SEMA6A: variants seen among roughly 807,000 people sequenced by gnomAD.
The protein encoded by SEMA6A is semaphorin-6A.
Under a neutral mutation model 96.8 loss-of-function variants are expected in SEMA6A, and 25 were observed. The ratio of observed to expected loss-of-function variants is 0.26; its 90% CI spans 0.19 to 0.36. The LOEUF (loss-of-function observed/expected upper bound fraction) is 0.36, where lower values mean the gene tolerates loss of function less well. Among genes scored for constraint, SEMA6A ranks in the 10% least tolerant of loss-of-function variants. The probability of loss-of-function intolerance (pLI) is 1.00; values close to 1 mark genes in which losing one functional copy is unlikely to be tolerated. For synonymous variants in SEMA6A, 612 were observed against 518.0 expected (o/e 1.18, Z -2.46); for missense variants, 1,363 against 1,323.1 (o/e 1.03, Z -0.47).
intron 11 of SEMA6A, among the ~76,000 whole-genome samples, chr5:116,480,881 T>G (rs556124641): frequency 6.6e-6 from 1 of 152,354 alleles, no homozygotes; most frequent in South Asian, 2.1e-4. Context: ...AAAGGTCATT[T>G]CTTGTCATTG....
intron 1 of SEMA6A, among the ~76,000 whole-genome samples, chr5:116,512,726 A>G (rs1005147711): frequency 3.9e-5 from 6 of 152,104 alleles, no homozygotes; most frequent in African/African-American, 1.2e-4. Context: ...CCCTGAGCCA[A>G]TGCAGTTTAC....
chr5:116,500,579 A>T (rs1297897151), intron 3 of SEMA6A, among the ~76,000 whole-genome samples: 5 of 152,192 alleles, frequency 3.3e-5, no homozygotes, highest in Admixed American at 2.0e-4. Context: ...GGGCAGTTTC[A>T]GGATGTTTTA....
Position 116,443,717 on chromosome 5 carries a change from TCA to T in SEMA6A, c.*2894_*2895del, listed in dbSNP as rs1431877589. 6.6e-6 allele frequency: 1 copy of T among 152,502 alleles called. No homozygotes were observed. The highest frequency in any genetic ancestry group is 2.4e-5 in the African/African-American group (1 of 41,392). The allele number at this position is 152,502 out of a possible 1,614,324, so 9.4% of individuals were successfully genotyped here. A position where few individuals can be genotyped will look rare whatever the true frequency, so the allele number is the denominator to read the frequency against. ...GGAGATGGAAGGAAAATTGGTGACA[TCA>T]CAATATTTTTACAACTTTACAACAA... On this transcript the variant is annotated 3_prime_UTR_variant, in exon 19 of 19. Transcript: ENST00000343348.
chr5:116,547,763 A>G (rs1396439408), intron 1 of SEMA6A, among the ~76,000 whole-genome samples: 2 of 146,742 alleles, frequency 1.4e-5, no homozygotes, highest in Non-Finnish European at 3.0e-5. Context: ...AAAAAAAGCC[A>G]AATGATCCCC....
chr5:116,494,641 C>T (rs368178136), intron 6 of SEMA6A, among the ~76,000 whole-genome samples: 2 of 152,194 alleles, frequency 1.3e-5, no homozygotes, highest in East Asian at 1.9e-4. Context: ...TTGTTTTCTT[C>T]TCCCTGCCTG....
At chr5:116,558,924 A>G (rs1760706273) in intron 1 of SEMA6A, among the ~76,000 whole-genome samples, 1 of 152,244 alleles carries the variant, frequency 6.6e-6, no homozygotes. Context: ...ACACATGTAT[A>G]TCTAATTTCA....
intron 1 of SEMA6A, among the ~76,000 whole-genome samples, chr5:116,566,432 CAA>C (rs1363788589): frequency 2.0e-5 from 3 of 152,198 alleles, no homozygotes; most frequent in African/African-American, 7.2e-5. Context: ...GCTTTCTAAG[CAA>C]AAGTCACCAT....
rs563788499 is a variant in SEMA6A at position 116,556,288 on chromosome 5, A to C, written c.-39+17897T>G. ...TTTTAAACCATGCTCTGACACACAA[A>C]AGAACATAAAGAGACAGAAACTGGC... On this transcript the variant is annotated intron_variant, in intron 1 of 18. Transcript: ENST00000343348. Among the ~76,000 whole-genome samples the C allele has an allele frequency of 9.2e-5, 14 of 152,332 alleles. No individual in the cohort carries two copies. In the South Asian group the frequency reaches 2.9e-3, roughly 32 times the overall value.
rs777606189 is a variant in SEMA6A at position 116,480,229 on chromosome 5, G to A, written c.1143C>T (p.Ser381=). Residue 381 remains serine (S), a synonymous_variant, in exon 12 of 19, where the codon TCC becomes TCT. Transcript: ENST00000343348. The part of the protein sequence containing the change: ...GSSSLERYAT[S]NEFPDDTLNF... ...TCAGGGTATCATCAGGGAACTCATT[G>A]GAGGTTGCATATCTTTCTAAGGAGG... The A allele has an allele frequency of 2.5e-6, 4 of 1,613,834 alleles. No homozygotes were observed. Among genetic ancestry groups the A allele is most frequent in the Admixed American group, 1.7e-5 (1 of 60,002 alleles).
At chr5:116,467,882 AGTGGTGGTGGTGGTGGTG>A (rs3073761) in intron 17 of SEMA6A, 135 bp from the exon 18 acceptor site, 2 of 551,098 alleles carry the variant, frequency 3.6e-6, no homozygotes, top group Non-Finnish European at 6.2e-6. Context: ...GACACGGCTT[AGTGGTGGTGGTGGTGGTG>A]GTGGTGGTGG....
chr5:116,447,290 G>T lies in SEMA6A; in HGVS notation c.2416C>A (p.Arg806=), dbSNP rs767361432. The T allele has an allele frequency of 1.9e-6, 3 of 1,613,748 alleles. No individual in the cohort carries two copies. The highest frequency in any genetic ancestry group is 1.1e-5 in the South Asian group (1 of 91,082). ...CTGGGGATGTGGCTGGGGGAGGCCC[G>T]CAGGGGCAGGTCCGTGGGAATCACA... ...SPVIPTDLPL[R]ASPSHIPSVV... Residue 806 remains arginine (R), a synonymous_variant, in exon 19 of 19, where the codon CGG becomes AGG. Transcript: ENST00000343348.
intron 1 of SEMA6A, among the ~76,000 whole-genome samples, chr5:116,558,955 A>C (rs944511546): frequency 1.3e-5 from 2 of 152,220 alleles, no homozygotes; most frequent in African/African-American, 2.4e-5. Flanking sequence ...ACTTTCATAA[A>C]GTAAAATTGT....
intron 3 of SEMA6A, chr5:116,499,065 G>C (rs994096404): frequency 5.3e-5 from 8 of 152,180 alleles, no homozygotes; most frequent in Non-Finnish European, 1.2e-4. Context: ...AGTCCCCCGG[G>C]TTCTGGATGG....
rs1320923789 is a variant in SEMA6A, at chr5:116,443,572, G to T, written c.*3041C>A. The T allele has an allele frequency of 6.6e-6, 1 of 152,448 alleles. No individual in the cohort carries two copies. The highest frequency in any genetic ancestry group is 1.5e-5 in the Non-Finnish European group (1 of 68,004). The allele number at this position is 152,448 out of a possible 1,614,324, so 9.4% of individuals were successfully genotyped here. A position where few individuals can be genotyped will look rare whatever the true frequency, so the allele number is the denominator to read the frequency against. On this transcript the variant is annotated 3_prime_UTR_variant, in exon 19 of 19. Transcript: ENST00000343348. ...ACAAAAGATAATATAGAACAGTCAG[G>T]TTTTATTACTTTTAAGTAATAAAGA...
intron 18 of SEMA6A, among the ~76,000 whole-genome samples, chr5:116,467,078 C>T (rs940501796): frequency 3.3e-5 from 5 of 152,062 alleles, no homozygotes; most frequent in African/African-American, 4.8e-5. Flanking sequence ...AATTACAGTA[C>T]GTCTGAGGAA....
chr5:116,560,431 A>G (rs1460748191), intron 1 of SEMA6A, among the ~76,000 whole-genome samples: 2 of 151,616 alleles, frequency 1.3e-5, no homozygotes, highest in Non-Finnish European at 2.9e-5. Context: ...TGCTAAATAA[A>G]TTATCTATTG....
At chr5:116,461,280 A>T (rs1046990700) in intron 18 of SEMA6A, among the ~76,000 whole-genome samples, 1 of 152,096 alleles carries the variant, frequency 6.6e-6, no homozygotes, top group Non-Finnish European at 1.5e-5. Flanking sequence ...TACCTGACTC[A>T]GTTAATTTTC....
At chr5:116,470,327 T>G (rs1756042096) in intron 17 of SEMA6A, among the ~76,000 whole-genome samples, 1 of 152,228 alleles carries the variant, frequency 6.6e-6, no homozygotes, top group South Asian at 2.1e-4. Flanking sequence ...CAAACATTTG[T>G]GGATGTGATA....
chr5:116,454,825 CGTGT>C (rs955848229), intron 18 of SEMA6A, among the ~76,000 whole-genome samples: 2 of 150,650 alleles, frequency 1.3e-5, no homozygotes, highest in South Asian at 2.1e-4. Flanking sequence ...TGTGTGTGCG[CGTGT>C]GTGTGTATGT....
Sources: gnomAD v4.1 joint callset for allele counts (sites outside exome capture counted in the v4.1 genomes callset) on GRCh38, gnomAD v4.1.1 for gene constraint, MANE v1.5 for transcripts, NCBI Gene and HGNC (gene_info 2026-07-23, HGNC 2026-07-21) for gene names.